Variants in ZNF804A observed in about 807,000 individuals in gnomAD.
ZNF804A encodes zinc finger protein 804A.
A neutral mutation model predicts 16.5 loss-of-function variants in ZNF804A; 2 were observed. That is an observed-to-expected ratio of 0.12 (90% CI 0.05 to 0.38). The LOEUF is 0.38. Among genes scored for constraint, ZNF804A ranks in the 10% least tolerant of loss-of-function variants. The probability of loss-of-function intolerance (pLI) is 0.99; values close to 1 mark genes in which losing one functional copy is unlikely to be tolerated. For synonymous variants in ZNF804A, 534 were observed against 489.6 expected (o/e 1.09, Z -1.20); for missense variants, 1,473 against 1,390.7 (o/e 1.06, Z -0.94).
At chr2:184,691,982 G>C (rs745422088) in intron 1 of ZNF804A, among the ~76,000 whole-genome samples, 1 of 151,972 alleles carries the variant, frequency 6.6e-6, no homozygotes, top group African/African-American at 2.4e-5. Context: ...GTTTCTAAAG[G>C]TCTGTATTAG....
At chr2:184,793,685 C>T (rs1001965472) in intron 1 of ZNF804A, among the ~76,000 whole-genome samples, 2 of 152,104 alleles carry the variant, frequency 1.3e-5, no homozygotes, top group African/African-American at 2.4e-5. Flanking sequence ...GCATTATACA[C>T]TACACCCAAT....
intron 1 of ZNF804A, among the ~76,000 whole-genome samples, chr2:184,621,636 T>C (rs1334150559): frequency 6.6e-6 from 1 of 151,800 alleles, no homozygotes; most frequent in Non-Finnish European, 1.5e-5. Flanking sequence ...TTATAGATTG[T>C]ACTGTTTAGT....
intron 1 of ZNF804A, among the ~76,000 whole-genome samples, chr2:184,736,047 G>T (rs1156771436): frequency 6.6e-6 from 1 of 152,130 alleles, no homozygotes; most frequent in Admixed American, 6.5e-5. Flanking sequence ...ATAAAGCTTG[G>T]CTTACTGATA....
rs746832412 is a variant in ZNF804A at position 184,938,250 on chromosome 2, T to C, written c.2854T>C (p.Phe952Leu). Residue 952 changes from phenylalanine to leucine, a missense_variant, in exon 4 of 4, where the codon TTT becomes CTT. Physicochemically the swap from Phe to Leu is conservative, Grantham distance 22 (BLOSUM62 0). Coordinates refer to ENST00000302277, the MANE Select transcript of ZNF804A (RefSeq NM_194250.2). ...AAATCTTAATGAAAAGCAAATTCCTTTTCAGGTGCCTAATATTGAAAGGAA... is the reference window on the plus strand; with the variant it reads ...AAATCTTAATGAAAAGCAAATTCCTCTTCAGGTGCCTAATATTGAAAGGAA... Reference protein sequence around the residue: ...NINLNEKQIPFQVPNIERNFR... With the variant: ...NINLNEKQIPLQVPNIERNFR... 102 of 1,613,942 alleles carry C rather than the reference T, an allele frequency of 6.3e-5. 1 individual carries two copies. The South Asian group carries it at 1.1e-3, about 17-fold the overall frequency.
intron 1 of ZNF804A, among the ~76,000 whole-genome samples, chr2:184,763,869 C>T (rs1694079419): frequency 6.6e-6 from 1 of 151,790 alleles, no homozygotes; most frequent in Admixed American, 6.6e-5. Context: ...GCCTCGATCT[C>T]CTGACCTTGT....
intron 2 of ZNF804A, among the ~76,000 whole-genome samples, chr2:184,893,383 A>G (rs1256244968): frequency 2.6e-5 from 4 of 151,920 alleles, no homozygotes; most frequent in Admixed American, 2.0e-4. Flanking sequence ...CTTAATTTAC[A>G]CCCTAAATTT....
intron 2 of ZNF804A, among the ~76,000 whole-genome samples, chr2:184,887,610 T>C (rs753291299): frequency 2.6e-5 from 4 of 152,142 alleles, no homozygotes; most frequent in Non-Finnish European, 2.9e-5. Flanking sequence ...GGAGGTGAAA[T>C]GCACTTCTTA....
chr2:184,681,936 C>T (rs1008957908), intron 1 of ZNF804A, among the ~76,000 whole-genome samples: 1 of 152,210 alleles, frequency 6.6e-6, no homozygotes, highest in African/African-American at 2.4e-5. Flanking sequence ...GATCCAATTT[C>T]GGAGCACATA....
At chr2:184,870,411 A>G (rs941691897) in intron 2 of ZNF804A, among the ~76,000 whole-genome samples, 1 of 152,066 alleles carries the variant, frequency 6.6e-6, no homozygotes, top group Non-Finnish European at 1.5e-5. Flanking sequence ...GAGATATTCA[A>G]CTTAGTTTAT....
At chr2:184,875,719 A>T (rs1005160366) in intron 2 of ZNF804A, among the ~76,000 whole-genome samples, 8 of 151,888 alleles carry the variant, frequency 5.3e-5, no homozygotes, top group Admixed American at 4.6e-4. Flanking sequence ...GATAATTAAA[A>T]TAGTTCTCAG....
chr2:184,869,653 C>T (rs984576216), intron 2 of ZNF804A, among the ~76,000 whole-genome samples: 1 of 151,946 alleles, frequency 6.6e-6, no homozygotes, highest in African/African-American at 2.4e-5. Context: ...ATATTTGGGA[C>T]ACTGACAGTT....
chr2:184,939,277 C>A lies in ZNF804A; in HGVS notation c.*251C>A. 2.6e-6 allele frequency: 1 copy of A among 382,252 alleles called. No homozygotes were observed. Among genetic ancestry groups the A allele is most frequent in the Non-Finnish European group, 4.7e-6 (1 of 212,616 alleles). The allele number at this position is 382,252 out of a possible 1,614,324, so 23.7% of individuals were successfully genotyped here. A position where few individuals can be genotyped will look rare whatever the true frequency, so the allele number is the denominator to read the frequency against. On this transcript the variant is annotated 3_prime_UTR_variant, in exon 4 of 4. Transcript: ENST00000302277. ...TATATGCTATATATTAAAATGATGT[C>A]TTAAGAGTATGTATAATGTACATAA...
intron 1 of ZNF804A, among the ~76,000 whole-genome samples, chr2:184,865,032 A>C (rs1695853698): frequency 6.6e-6 from 1 of 151,930 alleles, no homozygotes; most frequent in Non-Finnish European, 1.5e-5. Flanking sequence ...GGTGCCTGCC[A>C]CCATGCCTGG....
chr2:184,691,503 A>G (rs1692724486), intron 1 of ZNF804A, among the ~76,000 whole-genome samples: 1 of 151,620 alleles, frequency 6.6e-6, no homozygotes, highest in African/African-American at 2.4e-5. Flanking sequence ...TTCTTTGTTG[A>G]GACAAACTAG....
intron 2 of ZNF804A, among the ~76,000 whole-genome samples, chr2:184,869,113 A>G (rs1232396209): frequency 1.3e-5 from 2 of 152,060 alleles, no homozygotes; most frequent in Non-Finnish European, 2.9e-5. Flanking sequence ...CTGGGTACCT[A>G]TAATGCAGAT....
chr2:184,892,385 C>G (rs888328833), intron 2 of ZNF804A, among the ~76,000 whole-genome samples: 11 of 151,338 alleles, frequency 7.3e-5, no homozygotes, highest in Admixed American at 7.2e-4. Flanking sequence ...TGTTGAAAGA[C>G]TGTGTGGGCT....
intron 2 of ZNF804A, among the ~76,000 whole-genome samples, chr2:184,888,725 ATTG>A (rs1298057704): frequency 5.9e-5 from 9 of 152,174 alleles, no homozygotes; most frequent in Admixed American, 5.9e-4. Context: ...TGCTGTTTTT[ATTG>A]TTGTTGTTTT....
intron 2 of ZNF804A, among the ~76,000 whole-genome samples, chr2:184,894,200 T>A (rs776233862): frequency 3.9e-5 from 6 of 152,102 alleles, no homozygotes; most frequent in Non-Finnish European, 7.4e-5. Context: ...AAATCAAAGG[T>A]AACAAAACAC....
chr2:184,696,493 G>A (rs1692833221), intron 1 of ZNF804A, among the ~76,000 whole-genome samples: 1 of 152,082 alleles, frequency 6.6e-6, no homozygotes, highest in East Asian at 1.9e-4. Flanking sequence ...GGTCTAGAAT[G>A]TTGTTCTAAA....
Sources: gnomAD v4.1 joint callset for allele counts (sites outside exome capture counted in the v4.1 genomes callset) on GRCh38, gnomAD v4.1.1 for gene constraint, MANE v1.5 for transcripts, NCBI Gene and HGNC (gene_info 2026-07-23, HGNC 2026-07-21) for gene names.